IFT122: variants seen among roughly 807,000 people sequenced by gnomAD.
IFT122 encodes intraflagellar transport 122, also known as intraflagellar transport protein 122 homolog.
Under a neutral mutation model 161.6 loss-of-function variants are expected in IFT122, and 118 were observed. The ratio of observed to expected loss-of-function variants is 0.73; its 90% CI spans 0.63 to 0.85. IFT122 has a LOEUF of 0.85. Among genes scored for constraint, IFT122 ranks in the 40% least tolerant of loss-of-function variants. IFT122 has a pLI of 0.00. For synonymous variants in IFT122, 550 were observed against 602.4 expected, an observed-to-expected ratio of 0.91 and a Z score of 1.27; for missense variants, 1,381 against 1,579.6, an observed-to-expected ratio of 0.87 and a Z score of 2.13.
Position 129,499,928 on chromosome 3 carries a change from A to G in IFT122, c.2235A>G (p.Lys745=). Reference sequence around the variant, plus strand: ...ATTTCCTTGGATCTGGAGACCCCAAAGAAACAAAGATGCTAATCACCAAAC... The same window carrying G: ...ATTTCCTTGGATCTGGAGACCCCAAGGAAACAAAGATGCTAATCACCAAAC... ...AKDFLGSGDP[K]ETKMLITKQA... is the part of the protein sequence containing the mutation. The change falls in exon 19 of 30, where the codon AAA becomes AAG. Residue 745 remains lysine, a synonymous_variant. Coordinates refer to ENST00000348417, the MANE Select transcript of IFT122 (RefSeq NM_052989.3). 1.2e-6 allele frequency: 2 copies of G among 1,614,188 alleles called. No individual in the cohort carries two copies. The highest frequency in any genetic ancestry group is 1.7e-6 in the Non-Finnish European group (2 of 1,180,020).
rs1424240583 is a variant in IFT122, at chr3:129,520,297, C to T, written c.*32C>T. ...TCCTGGGGACGGCCTGCACCCTCTG[C>T]CCGCCTTGGGGTCTGCTGGGCTGTG... On this transcript the variant is annotated 3_prime_UTR_variant, in exon 30 of 30. Coordinates refer to ENST00000348417, the MANE Select transcript of IFT122 (RefSeq NM_052989.3). The T allele has an allele frequency of 1.3e-6, 2 of 1,527,968 alleles. No individual in the cohort carries two copies. Among genetic ancestry groups the T allele is most frequent in the Non-Finnish European group, 1.8e-6 (2 of 1,113,814 alleles). The allele number at this position is 1,527,968 out of a possible 1,614,324, so 94.7% of individuals were successfully genotyped here.
rs183040424 is a variant in IFT122, at chr3:129,441,279, G to A, written c.41+908G>A. Among the ~76,000 whole-genome samples the A allele has an allele frequency of 2.6e-5, 4 of 152,284 alleles. No homozygotes were observed. The East Asian group carries it at 7.7e-4, about 29-fold the overall frequency. On this transcript the variant is annotated intron_variant, in intron 1 of 29. Transcript: ENST00000348417. ...TCTGTCCCTTCTGAGATCTTTCTCT[G>A]TGTAAAGCATGCCGTCTCTCCTCAT...
intron 9 of IFT122, among the ~76,000 whole-genome samples, chr3:129,472,320 AT>A (rs1279872396): frequency 6.6e-6 from 1 of 151,786 alleles, no homozygotes; most frequent in African/African-American, 2.4e-5. Flanking sequence ...CATCCTGCTA[AT>A]TAAAAAAAAA....
chr3:129,502,896 A>C lies in IFT122; in HGVS notation c.2547+14A>C. On this transcript the variant is annotated intron_variant, in intron 20 of 29. Coordinates refer to ENST00000348417, the MANE Select transcript of IFT122 (RefSeq NM_052989.3). ...CGCTGGGATGAGGTGAGGGGAAAGCAGGCCTCATGGGCTGGGGCCCCACCT... is the reference window on the plus strand; with the variant it reads ...CGCTGGGATGAGGTGAGGGGAAAGCCGGCCTCATGGGCTGGGGCCCCACCT... The C allele has an allele frequency of 6.2e-7, 1 of 1,606,790 alleles. No homozygotes were observed.
At position 129,519,560 on chromosome 3, in the gene IFT122, C is replaced by T. The variant is rs376317354; in HGVS notation, c.3472-8C>T. On this transcript the variant is annotated splice_polypyrimidine_tract_variant and splice_region_variant and intron_variant, in intron 28 of 29. Transcript: ENST00000348417. ...GGACACTGTGCCTCCTTCCCGCCCA[C>T]CCTGCAGCAAGGTGGCTCAGAGTTC... The T allele has an allele frequency of 6.2e-7, 1 of 1,613,070 alleles. No individual in the cohort carries two copies. The highest frequency in any genetic ancestry group is 8.5e-7 in the Non-Finnish European group (1 of 1,180,004).
intron 25 of IFT122, chr3:129,515,124 A>G (rs1248967225): frequency 1.5e-5 from 6 of 409,800 alleles, no homozygotes; most frequent in African/African-American, 1.0e-4. Context: ...TCCCACAGGT[A>G]GTTGTGAGGC....
At chr3:129,452,542 GA>G (rs967051647) in intron 3 of IFT122, among the ~76,000 whole-genome samples, 16 of 152,170 alleles carry the variant, frequency 1.1e-4, no homozygotes, top group African/African-American at 3.9e-4. Flanking sequence ...GCATCGGGGG[GA>G]AGAGAGCTCT....
Position 129,512,398 on chromosome 3 carries a change from G to A in IFT122, c.2973G>A (p.Ser991=). ...ACAGCCTGCCCAAGGACACCCCCTCGGGCATCTCTAAAGTGTATCCTTTCT... is the reference window on the plus strand; with the variant it reads ...ACAGCCTGCCCAAGGACACCCCCTCAGGCATCTCTAAAGTGTATCCTTTCT... ...LLHSLPKDTP[S]GISKVKILFT... The change falls in exon 24 of 30, where the codon TCG becomes TCA. Residue 991 remains serine (S), a synonymous_variant. Coordinates refer to ENST00000348417, the MANE Select transcript of IFT122 (RefSeq NM_052989.3). 2 of 1,610,196 alleles carry A rather than the reference G, an allele frequency of 1.2e-6. No individual in the cohort carries two copies. Among genetic ancestry groups the A allele is most frequent in the East Asian group, 2.2e-5 (1 of 44,858 alleles).
At chr3:129,501,932 C>T (rs1046729290) in intron 19 of IFT122, among the ~76,000 whole-genome samples, 6 of 152,212 alleles carry the variant, frequency 3.9e-5, no homozygotes, top group African/African-American at 1.4e-4. Flanking sequence ...CCTTTCTCAC[C>T]AAGACTAGCC....
intron 19 of IFT122, among the ~76,000 whole-genome samples, chr3:129,501,140 C>T (rs1176661585): frequency 6.6e-6 from 1 of 152,078 alleles, no homozygotes; most frequent in East Asian, 1.9e-4. Flanking sequence ...GGACTCAGCA[C>T]ACCGGACCTT....
intron 8 of IFT122, among the ~76,000 whole-genome samples, chr3:129,468,921 C>T (rs1395043321): frequency 1.3e-5 from 2 of 152,238 alleles, no homozygotes; most frequent in Non-Finnish European, 2.9e-5. Flanking sequence ...AGTTTCCCTT[C>T]TATTAAAAAA....
intron 17 of IFT122, among the ~76,000 whole-genome samples, chr3:129,493,884 G>A (rs2080474030): frequency 6.6e-6 from 1 of 152,182 alleles, no homozygotes; most frequent in Non-Finnish European, 1.5e-5. Flanking sequence ...CGTATGCTAT[G>A]AGCTGGGAAG....
At chr3:129,481,800 C>T in intron 14 of IFT122, 106 bp downstream of exon 14, 1 of 1,266,544 alleles carries the variant, frequency 7.9e-7, no homozygotes. Context: ...AGGCAGGTCT[C>T]TGGGAGGGGC....
intron 1 of IFT122, among the ~76,000 whole-genome samples, chr3:129,448,199 C>T (rs1330925245): frequency 1.3e-5 from 2 of 152,144 alleles, no homozygotes; most frequent in African/African-American, 4.8e-5. Flanking sequence ...GATTTGTTGT[C>T]TCAACAGCAA....
In IFT122 at chr3:129,478,067, G is replaced by A. The variant is rs1405512091; in HGVS notation, c.1199G>A (p.Arg400Gln). The change falls in exon 12 of 30, where the codon CGA (arginine) becomes CAA (glutamine). Residue 400 changes from arginine (R) to glutamine (Q), a missense_variant. Transcript: ENST00000348417. Reference sequence around the variant, plus strand: ...AAGAAGATTGCCATCTACAGAAATCGATTGGCTATCCAACTGCCAGAGAAA... The same window carrying A: ...AAGAAGATTGCCATCTACAGAAATCAATTGGCTATCCAACTGCCAGAGAAA... ...LVKKIAIYRN[R>Q]LAIQLPEKIL... The A allele has an allele frequency of 8.7e-6, 14 of 1,614,136 alleles. No individual in the cohort carries two copies. The highest frequency in any genetic ancestry group is 1.7e-5 in the Admixed American group (1 of 60,024).
intron 23 of IFT122, among the ~76,000 whole-genome samples, chr3:129,510,716 A>T (rs769645369): frequency 2.0e-5 from 3 of 152,216 alleles, no homozygotes; most frequent in African/African-American, 4.8e-5. Context: ...CCTACATGGG[A>T]CTAGGAGCTA....
In IFT122 at chr3:129,476,314, G is replaced by T. The variant is rs1347258714; in HGVS notation, c.817-1G>T. On this transcript the variant is annotated splice_acceptor_variant, in intron 9 of 29. Transcript: ENST00000348417. LOFTEE classifies it high-confidence loss of function. ...CCTTGCTGTGTGTTCTTTTTCCTCA[G>T]ATTGGAAAGGATCGGGCACTGAACT... 1 of 1,614,196 alleles carries T rather than the reference G, an allele frequency of 6.2e-7. No individual in the cohort carries two copies. Among genetic ancestry groups the T allele is most frequent in the Non-Finnish European group, 8.5e-7 (1 of 1,180,032 alleles).
chr3:129,475,151 A>G (rs67239925), intron 9 of IFT122, among the ~76,000 whole-genome samples: 20,191 of 152,126 alleles, frequency 0.13, 1,717 homozygotes, highest in South Asian at 0.24. Context: ...AGAGTGTGAC[A>G]TTTCTCTGTG....
intron 4 of IFT122, chr3:129,459,190 AT>A (rs1222756095): frequency 1.1e-4 from 46 of 411,432 alleles, no homozygotes; most frequent in African/African-American, 8.6e-4. Flanking sequence ...CTTTCGAGGC[AT>A]TTCTCACAAT....
Sources: allele counts gnomAD v4.1 joint callset (sites outside exome capture counted in the v4.1 genomes callset), GRCh38; gene constraint gnomAD v4.1.1; transcripts MANE v1.5; gene names NCBI Gene and HGNC (gene_info 2026-07-23, HGNC 2026-07-21).